DMD: variants seen among roughly 807,000 people sequenced by gnomAD.
DMD encodes dystrophin.
In DMD, 63 loss-of-function variants were observed where a neutral mutation model predicts 330.1. The ratio of observed to expected loss-of-function variants is 0.19; its 90% CI spans 0.16 to 0.24. The LOEUF is 0.24. Among genes scored for constraint, DMD ranks in the 10% least tolerant of loss-of-function variants. The pLI, the probability that DMD is intolerant of heterozygous loss-of-function variation, is 1.00. For synonymous variants in DMD, 1,223 were observed against 959.8 expected (o/e 1.27, Z -5.07); for missense variants, 3,344 against 2,684.1 (o/e 1.25, Z -5.43).
intron 2 of DMD, among the ~76,000 whole-genome samples, chrX:32,887,992 T>C (rs1314661244): frequency 9.1e-6 from 1 of 109,946 alleles, no homozygotes; most frequent in African/African-American, 3.3e-5. Flanking sequence ...TATCCAAAAA[T>C]ATATAAGAAA....
At chrX:32,317,621 T>C (rs1157420285) in intron 41 of DMD, among the ~76,000 whole-genome samples, 1 of 111,558 alleles carries the variant, frequency 9.0e-6, no homozygotes. Flanking sequence ...GACTTCTTTC[T>C]CCTTTAAATG....
At chrX:32,988,713 A>G (rs1327478227) in intron 2 of DMD, among the ~76,000 whole-genome samples, 1 of 112,362 alleles carries the variant, frequency 8.9e-6, no homozygotes, top group Non-Finnish European at 1.9e-5. Flanking sequence ...GTGACTATGT[A>G]TGCATTAAGA....
At chrX:33,009,153 CGT>C (rs1168877108) in intron 2 of DMD, among the ~76,000 whole-genome samples, 1 of 18,891 alleles carries the variant, frequency 5.3e-5, no homozygotes, top group Non-Finnish European at 9.5e-5. Context: ...TGTATATATA[CGT>C]ATATATGTAT....
At chrX:31,767,914 C>T (rs1011490658) in intron 51 of DMD, among the ~76,000 whole-genome samples, 6 of 111,953 alleles carry the variant, frequency 5.4e-5, no homozygotes, top group Non-Finnish European at 1.1e-4. Flanking sequence ...TAAATATACA[C>T]TATACCCACT....
intron 60 of DMD, among the ~76,000 whole-genome samples, chrX:31,396,944 G>A (rs958188842): frequency 4.5e-5 from 5 of 111,376 alleles, no homozygotes; most frequent in African/African-American, 9.8e-5. Flanking sequence ...GTGAAAGGCA[G>A]GTAAGGCATC....
At chrX:31,818,991 C>T (rs776519133) in intron 50 of DMD, among the ~76,000 whole-genome samples, 3 of 109,617 alleles carry the variant, frequency 2.7e-5, no homozygotes, top group Non-Finnish European at 5.7e-5. Flanking sequence ...AGTCACCATG[C>T]TTTAATGCTT....
intron 2 of DMD, among the ~76,000 whole-genome samples, chrX:32,965,289 C>A (rs758514489): frequency 9.0e-6 from 1 of 111,083 alleles, no homozygotes; most frequent in African/African-American, 3.3e-5. Context: ...GTCAGGAGTT[C>A]AAGACCAGCC....
chrX:32,388,097 T>C (rs988486923), intron 32 of DMD, among the ~76,000 whole-genome samples: 5 of 111,525 alleles, frequency 4.5e-5, no homozygotes, highest in African/African-American at 1.6e-4. Context: ...AAAGAACTGC[T>C]TCAATTGGTC....
At chrX:31,527,987 C>T (rs2073374017) in intron 55 of DMD, among the ~76,000 whole-genome samples, 1 of 110,509 alleles carries the variant, frequency 9.0e-6, no homozygotes, top group Non-Finnish European at 1.9e-5. Flanking sequence ...CTATTTGTTT[C>T]TACTACTTGC....
intron 9 of DMD, among the ~76,000 whole-genome samples, chrX:32,672,786 G>A (rs934705595): frequency 6.3e-5 from 7 of 110,617 alleles, no homozygotes; most frequent in Non-Finnish European, 1.1e-4. Context: ...TAACAAAACT[G>A]TATAGGGAAA....
In DMD at chrX:31,879,206, T is replaced by C. The variant is rs899160270; in HGVS notation, c.6913-3833A>G. On this transcript the variant is annotated intron_variant, in intron 47 of 78. Coordinates refer to ENST00000357033, the MANE Select transcript of DMD (RefSeq NM_004006.3). ...GGTTTAATGGACTCACCATTCTACA[T>C]GGCGGGGGGGGGCCTCACAATCATG... Among the ~76,000 whole-genome samples, 3 of 16,240 alleles carry C rather than the reference T, an allele frequency of 1.8e-4. No individual in the cohort carries two copies. The Admixed American group carries it at 2.5e-3, about 14-fold the overall frequency. The allele number at this position is 16,240 out of a possible 115,157, so 14.1% of individuals were successfully genotyped here.
chrX:31,823,591 T>C (rs1236027577), intron 49 of DMD, among the ~76,000 whole-genome samples: 1 of 110,864 alleles, frequency 9.0e-6, no homozygotes, highest in Non-Finnish European at 1.9e-5. Context: ...AGGCTTATTT[T>C]TTCTTTTGAG....
intron 7 of DMD, among the ~76,000 whole-genome samples, chrX:32,703,383 G>C (rs758130040): frequency 1.8e-5 from 2 of 111,202 alleles, no homozygotes; most frequent in South Asian, 7.5e-4. Context: ...TATTTTTGCT[G>C]TTTCTATCAT....
intron 51 of DMD, among the ~76,000 whole-genome samples, chrX:31,761,807 C>G (rs2132860): frequency 9.0e-6 from 1 of 111,004 alleles, no homozygotes; most frequent in African/African-American, 3.3e-5. Flanking sequence ...ACTAAGAAGA[C>G]AGGAAAACAA....
chrX:31,989,662 TAAAG>T (rs2095536145), intron 44 of DMD, among the ~76,000 whole-genome samples: 1 of 111,202 alleles, frequency 9.0e-6, no homozygotes, highest in Admixed American at 9.6e-5. Context: ...GAAAAAAACA[TAAAG>T]AGAGGATTTT....
At chrX:33,070,667 CTCTCTCTATATATATATA>C (rs1409105993) in intron 1 of DMD, among the ~76,000 whole-genome samples, 54 of 46,116 alleles carry the variant, frequency 1.2e-3, no homozygotes, top group African/African-American at 4.6e-3. Flanking sequence ...CTCTCTCTCT[CTCTCTCTATATATATATA>C]TATATATATA....
chrX:31,265,797 GT>G (rs1317778294), intron 62 of DMD, among the ~76,000 whole-genome samples: 3,411 of 18,147 alleles, frequency 0.19, 19 homozygotes, highest in Middle Eastern at 0.23. Flanking sequence ...GGGGGGGGGG[GT>G]GGGTGACAAG....
chrX:33,010,250 A>ATATATGTACAAATATGTGTG (rs1569549302), intron 2 of DMD, among the ~76,000 whole-genome samples: 3 of 102,691 alleles, frequency 2.9e-5, no homozygotes, highest in African/African-American at 1.2e-4. Context: ...ATATGTGTGT[A>ATATATGTACAAATATGTGTG]TATATGTACA....
chrX:31,563,049 GTATC>G (rs1332265309), intron 55 of DMD, among the ~76,000 whole-genome samples: 8 of 104,603 alleles, frequency 7.6e-5, no homozygotes, highest in Admixed American at 7.2e-4. Flanking sequence ...AAAACAATTT[GTATC>G]TATTTATTTA....
Sources: allele counts gnomAD v4.1 joint callset (sites outside exome capture counted in the v4.1 genomes callset), GRCh38; gene constraint gnomAD v4.1.1; transcripts MANE v1.5; gene names NCBI Gene and HGNC (gene_info 2026-07-23, HGNC 2026-07-21).